Variants in MED24 observed in about 807,000 individuals in gnomAD.
The protein encoded by MED24 is mediator of RNA polymerase II transcription subunit 24.
Under a neutral mutation model 118.8 loss-of-function variants are expected in MED24, and 74 were observed. The ratio of observed to expected loss-of-function variants is 0.62; its 90% CI spans 0.52 to 0.76. The LOEUF (loss-of-function observed/expected upper bound fraction) is 0.76, where lower values mean the gene tolerates loss of function less well. Ranked by LOEUF, MED24 falls within the 30% of genes least tolerant of loss-of-function variation. The pLI is 0.00. For missense variants in MED24, 1,041 were observed against 1,278.9 expected, an observed-to-expected ratio of 0.81 and a Z score of 2.84; for synonymous variants, 521 against 523.9, an observed-to-expected ratio of 0.99 and a Z score of 0.08.
chr17:40,047,977 G>A (rs907825552), intron 3 of MED24, among the ~76,000 whole-genome samples: 1 of 152,204 alleles, frequency 6.6e-6, no homozygotes, highest in Non-Finnish European at 1.5e-5. Context: ...TGATACACTC[G>A]CCTCGGCCTC....
Position 40,053,533 on chromosome 17 carries a change from T to A in MED24, c.66A>T (p.Gln22His). The A allele has an allele frequency of 6.2e-7, 1 of 1,614,212 alleles. No homozygotes were observed. Among genetic ancestry groups the A allele is most frequent in the Non-Finnish European group, 8.5e-7 (1 of 1,180,036 alleles). ...QAWKERWSDY[Q>H]WAINMKKFFP... ...AGAATTTCTTCATGTTGATTGCCCA[T>A]TGGTAGTCACTCCAGCGCTCCTTCC... The change falls in exon 2 of 26, where the codon CAA becomes CAT. Residue 22 changes from glutamine (Q) to histidine (H), a missense_variant. Physicochemically the swap from Gln to His is conservative, Grantham distance 24 (BLOSUM62 0). Coordinates refer to ENST00000394128, the MANE Select transcript of MED24 (RefSeq NM_014815.4).
intron 3 of MED24, 37 bp from the exon 4 acceptor site, chr17:40,036,191 A>G: frequency 6.3e-7 from 1 of 1,577,544 alleles, no homozygotes; most frequent in South Asian, 1.1e-5. Flanking sequence ...TTAGACAACT[A>G]GTCTCCCACA....
chr17:40,035,986 G>T, intron 4 of MED24, 130 bp downstream of exon 4: 2 of 1,190,200 alleles, frequency 1.7e-6, no homozygotes, highest in Non-Finnish European at 2.5e-6. Context: ...TCCCATGGAA[G>T]TCCAGCAATG....
chr17:40,029,291 C>G (rs1316506117), intron 13 of MED24, among the ~76,000 whole-genome samples: 1 of 152,158 alleles, frequency 6.6e-6, no homozygotes, highest in Non-Finnish European at 1.5e-5. Context: ...CTCTGCCCCC[C>G]AGGGTTCAGC....
intron 3 of MED24, among the ~76,000 whole-genome samples, chr17:40,045,157 A>G (rs960266882): frequency 6.6e-6 from 1 of 152,112 alleles, no homozygotes; most frequent in Non-Finnish European, 1.5e-5. Flanking sequence ...ATTAAAGTAC[A>G]TATGGGCTGG....
In MED24 at chr17:40,053,297, C is replaced by T; in HGVS notation, c.213+1G>A. 1 of 1,601,258 alleles carries T rather than the reference C, an allele frequency of 6.2e-7. No homozygotes were observed. The highest frequency in any genetic ancestry group is 8.5e-7 in the Non-Finnish European group (1 of 1,173,646). On this transcript the variant is annotated splice_donor_variant, in intron 3 of 25. Coordinates refer to ENST00000394128, the MANE Select transcript of MED24 (RefSeq NM_014815.4). LOFTEE classifies it high-confidence loss of function. ...TTGGTGGGGGTTTGCGGGAAGCTTA[C>T]CTGGGAACTAATGGCATACTTCAGG...
At position 40,022,092 on chromosome 17, in the gene MED24, C is replaced by T. The variant is rs1307283784; in HGVS notation, c.2524-38G>A. 4.2e-6 allele frequency: 6 copies of T among 1,442,118 alleles called. No individual in the cohort carries two copies. The South Asian group carries it at 5.1e-5, about 12-fold the overall frequency. 89.3% of individuals were successfully genotyped at this position (1,442,118 alleles called of 1,614,324 possible). A position where few individuals can be genotyped will look rare whatever the true frequency, so the allele number is the denominator to read the frequency against. ...AAAGTCACTGTTATACACCCCTAAA[C>T]CCCCCAGTTTCCAGCTGTCAGGGAA... On this transcript the variant is annotated intron_variant, in intron 22 of 25. Coordinates refer to ENST00000394128, the MANE Select transcript of MED24 (RefSeq NM_014815.4).
chr17:40,023,823 G>T (rs1982331947), intron 19 of MED24, among the ~76,000 whole-genome samples: 1 of 152,196 alleles, frequency 6.6e-6, no homozygotes, highest in African/African-American at 2.4e-5. Flanking sequence ...TTCCAGGAGA[G>T]GCCCAAGGGC....
intron 3 of MED24, among the ~76,000 whole-genome samples, chr17:40,043,927 G>A (rs111924100): frequency 2.2e-5 from 3 of 137,394 alleles, no homozygotes; most frequent in African/African-American, 5.4e-5. Flanking sequence ...TATTAGGTTC[G>A]AGACCCGCCT....
intron 3 of MED24, among the ~76,000 whole-genome samples, chr17:40,051,527 T>C (rs918788126): frequency 6.6e-6 from 1 of 151,738 alleles, no homozygotes; most frequent in Non-Finnish European, 1.5e-5. Context: ...GGCACGAGAA[T>C]CACTTAAACC....
Position 40,019,785 on chromosome 17 carries a change from G to T in MED24, c.2853C>A (p.Thr951=). 3.1e-6 allele frequency: 5 copies of T among 1,611,808 alleles called. No homozygotes were observed. The highest frequency in any genetic ancestry group is 1.7e-5 in the Admixed American group (1 of 59,604). Residue 951 remains threonine (T), a splice_region_variant and synonymous_variant, in exon 25 of 26, where the codon ACC becomes ACA. Transcript: ENST00000394128. ...GGAGAGCCGGGAAGGTGGTACTCAC[G>T]GTGGTGAAGGGCATGAACTGCAGGA... is the stretch of plus-strand genomic sequence containing the variant. ...GSVLQFMPFT[T]VSELVKVSAM...
rs1408187536 is a variant in MED24 at position 40,019,227 on chromosome 17, T to C, written c.*302A>G. The C allele has an allele frequency of 5.1e-6, 2 of 388,902 alleles. No individual in the cohort carries two copies. Among genetic ancestry groups the C allele is most frequent in the Non-Finnish European group, 9.4e-6 (2 of 213,472 alleles). 24.1% of individuals were successfully genotyped at this position (388,902 alleles called of 1,614,324 possible). ...ACATACACACTTTGCATCTAGAAAG[T>C]TCCTCAGAGGTAAGACTACTCCTGG... On this transcript the variant is annotated 3_prime_UTR_variant, in exon 26 of 26. Coordinates refer to ENST00000394128, the MANE Select transcript of MED24 (RefSeq NM_014815.4).
chr17:40,029,781 G>T lies in MED24; in HGVS notation c.1233C>A (p.Leu411=), dbSNP rs751848598. 1 of 1,614,124 alleles carries T rather than the reference G, an allele frequency of 6.2e-7. No homozygotes were observed. Among genetic ancestry groups the T allele is most frequent in the African/African-American group, 1.3e-5 (1 of 74,956 alleles). Residue 411 remains leucine, a synonymous_variant, in exon 13 of 26, where the codon CTC becomes CTA. Coordinates refer to ENST00000394128, the MANE Select transcript of MED24 (RefSeq NM_014815.4). ...TGTTTGTGACAGTGGGCTCCGCCCG[G>T]AGGATCAGCTGGATGTTGGGCTGGA... ...ANIQPNIQLI[L]RAEPTVTNIL...
At chr17:40,023,771 G>A (rs1598334347) in intron 19 of MED24, 1 of 185,974 alleles carries the variant, frequency 5.4e-6, no homozygotes, top group East Asian at 1.5e-4. Flanking sequence ...GTGCTTGGGG[G>A]TCCCCGCCCA....
At chr17:40,019,983 T>A (rs1279684178) in intron 24 of MED24, 50 bp from the exon 25 acceptor site, 1 of 1,536,762 alleles carries the variant, frequency 6.5e-7, no homozygotes, top group Non-Finnish European at 8.8e-7. Flanking sequence ...TGAGAGTGGG[T>A]GAGGTCACAC....
At chr17:40,035,981 T>A (rs1033370997) in intron 4 of MED24, 135 bp downstream of exon 4, 2 of 1,170,482 alleles carry the variant, frequency 1.7e-6, no homozygotes, top group Non-Finnish European at 2.5e-6. Flanking sequence ...CCCCCTCCCA[T>A]GGAAGTCCAG....
intron 22 of MED24, 115 bp downstream of exon 22, chr17:40,022,279 C>G: frequency 8.6e-7 from 1 of 1,163,210 alleles, no homozygotes; most frequent in Non-Finnish European, 1.2e-6. Context: ...TGCCCAGGCA[C>G]AGCTGCCCCA....
chr17:40,053,948 T>A (rs1039200575), intron 1 of MED24: 2 of 473,508 alleles, frequency 4.2e-6, no homozygotes, highest in Non-Finnish European at 7.6e-6. Flanking sequence ...CTGACCAACA[T>A]GGAGAAACCT....
intron 19 of MED24, chr17:40,023,686 A>C: frequency 5.9e-6 from 2 of 337,910 alleles, no homozygotes; most frequent in Non-Finnish European, 5.4e-6. Context: ...TTATTCTCCA[A>C]CTTCCCCCAT....
Sources: allele counts gnomAD v4.1 joint callset (sites outside exome capture counted in the v4.1 genomes callset), GRCh38; gene constraint gnomAD v4.1.1; transcripts MANE v1.5; gene names NCBI Gene and HGNC (gene_info 2026-07-23, HGNC 2026-07-21).